Variants in CUL2 observed in about 807,000 individuals in gnomAD.
CUL2 encodes the protein cullin 2, also known as cullin-2.
A neutral mutation model predicts 110.2 loss-of-function variants in CUL2; 22 were observed. That is an observed-to-expected ratio of 0.20 (90% CI 0.14 to 0.28). CUL2 has a LOEUF of 0.28. Among genes scored for constraint, CUL2 ranks in the 10% least tolerant of loss-of-function variants. The pLI, the probability that CUL2 is intolerant of heterozygous loss-of-function variation, is 1.00. For missense variants in CUL2, 631 were observed against 905.5 expected (o/e 0.70, Z 3.89); for synonymous variants, 279 against 293.2 (o/e 0.95, Z 0.49).
intron 4 of CUL2, 95 bp downstream of exon 4, chr10:35,060,779 T>C (rs1268529275): frequency 1.1e-6 from 1 of 950,252 alleles, no homozygotes; most frequent in Non-Finnish European, 1.6e-6. Context: ...GTTTTGCATA[T>C]GTGAATGAGA....
intron 9 of CUL2, among the ~76,000 whole-genome samples, chr10:35,037,084 T>C (rs1374799347): frequency 2.0e-5 from 3 of 152,246 alleles, no homozygotes; most frequent in Admixed American, 6.5e-5. Flanking sequence ...CTATTTAAAA[T>C]ATCTTTCCCT....
At chr10:35,037,057 T>C (rs1035607298) in intron 9 of CUL2, among the ~76,000 whole-genome samples, 1 of 152,216 alleles carries the variant, frequency 6.6e-6, no homozygotes, top group African/African-American at 2.4e-5. Context: ...TCCTTTGTGG[T>C]TAGGGCTTTT....
At chr10:35,116,524 A>G (rs1452169840) in intron 1 of CUL2, among the ~76,000 whole-genome samples, 1 of 152,208 alleles carries the variant, frequency 6.6e-6, no homozygotes, top group Non-Finnish European at 1.5e-5. Flanking sequence ...TAATGTACCC[A>G]GCTGTGGCTT....
intron 17 of CUL2, among the ~76,000 whole-genome samples, chr10:35,020,288 G>C (rs2085151174): frequency 6.6e-6 from 1 of 152,144 alleles, no homozygotes; most frequent in Admixed American, 6.5e-5. Flanking sequence ...AGGTGGAAGG[G>C]AAATGTAACA....
At chr10:35,069,446 TAGG>T (rs1208478631) in intron 2 of CUL2, among the ~76,000 whole-genome samples, 4 of 151,710 alleles carry the variant, frequency 2.6e-5, no homozygotes, top group Admixed American at 2.6e-4. Flanking sequence ...GAGGCTGAGA[TAGG>T]AGGATCTCTT....
intron 14 of CUL2, among the ~76,000 whole-genome samples, chr10:35,029,995 A>G (rs2085440794): frequency 6.6e-6 from 1 of 152,198 alleles, no homozygotes; most frequent in African/African-American, 2.4e-5. Flanking sequence ...TTTTGTTTTA[A>G]AGACTTGGGG....
chr10:35,071,133 A>G lies in CUL2; in HGVS notation c.119+66T>C, dbSNP rs982078773. On this transcript the variant is annotated intron_variant, in intron 2 of 20. Coordinates refer to ENST00000374749, the MANE Select transcript of CUL2 (RefSeq NM_003591.4). ...GGAAAGTTCTTCCATAACATTGAAC[A>G]TGTTCTCAGTTTTCAACAAATTTAT... The G allele has an allele frequency of 3.0e-5, 45 of 1,484,754 alleles. No individual in the cohort carries two copies. In the African/African-American group the frequency reaches 5.7e-4, roughly 19 times the overall value. 92.0% of individuals were successfully genotyped at this position (1,484,754 alleles called of 1,614,324 possible). A position where few individuals can be genotyped will look rare whatever the true frequency, so the allele number is the denominator to read the frequency against.
intron 1 of CUL2, among the ~76,000 whole-genome samples, chr10:35,102,532 A>G (rs2087396046): frequency 6.6e-6 from 1 of 151,936 alleles, no homozygotes; most frequent in African/African-American, 2.4e-5. Context: ...AGACTGTTCC[A>G]CTGCACTCCA....
chr10:35,113,530 A>AAAAC (rs2087550603), intron 1 of CUL2, among the ~76,000 whole-genome samples: 1 of 141,926 alleles, frequency 7.0e-6, no homozygotes, highest in Non-Finnish European at 1.5e-5. Flanking sequence ...AAAAAAAAAA[A>AAAAC]TTCCGCAAGA....
intron 8 of CUL2, among the ~76,000 whole-genome samples, chr10:35,041,332 T>C (rs1176393993): frequency 6.6e-6 from 1 of 152,056 alleles, no homozygotes; most frequent in Non-Finnish European, 1.5e-5. Context: ...AAGAGAAATG[T>C]AGAGAAGGTT....
At chr10:35,027,436 G>A (rs1239916558) in intron 16 of CUL2, among the ~76,000 whole-genome samples, 2 of 152,060 alleles carry the variant, frequency 1.3e-5, no homozygotes, top group East Asian at 3.9e-4. Flanking sequence ...GAGCCACCGC[G>A]CCCGGCAACT....
At chr10:35,025,108 C>A in intron 17 of CUL2, 24 bp downstream of exon 17, 2 of 1,462,110 alleles carry the variant, frequency 1.4e-6, no homozygotes, top group East Asian at 2.6e-5. Context: ...TTCATTAAGC[C>A]AGATATAATT....
intron 2 of CUL2, among the ~76,000 whole-genome samples, chr10:35,096,376 A>G (rs1023159806): frequency 2.6e-5 from 4 of 152,160 alleles, no homozygotes. Flanking sequence ...AGATGGGGAT[A>G]GAAGGGTTAC....
At chr10:35,021,848 A>AGGTGG (rs1375514880) in intron 17 of CUL2, among the ~76,000 whole-genome samples, 2 of 37,074 alleles carry the variant, frequency 5.4e-5, no homozygotes, top group African/African-American at 9.9e-5. Context: ...AGGTGAGGTG[A>AGGTGG]GGTGAGGTGA....
At chr10:35,025,919 T>C (rs1422610556) in intron 16 of CUL2, among the ~76,000 whole-genome samples, 2 of 152,214 alleles carry the variant, frequency 1.3e-5, no homozygotes, top group Non-Finnish European at 2.9e-5. Flanking sequence ...AATAAACTTT[T>C]AGCATGATGT....
rs568993168 is a variant in CUL2 at position 35,115,432 on chromosome 10, C to T, written c.-51+11173G>A. On this transcript the variant is annotated intron_variant, in intron 1 of 5. Coordinates refer to the CUL2 transcript ENST00000685421. Reference sequence around the variant, plus strand: ...AAATTTAGCCAGGCATGCTGGCAGGCGCCTGTAATCCCAGCTACTCGGGAG... The same window carrying T: ...AAATTTAGCCAGGCATGCTGGCAGGTGCCTGTAATCCCAGCTACTCGGGAG... Among the ~76,000 whole-genome samples, 6 of 151,808 alleles carry T rather than the reference C, an allele frequency of 4.0e-5. No homozygotes were observed. In the South Asian group the frequency reaches 8.3e-4, roughly 21 times the overall value.
rs1261301266 is a variant in CUL2 at position 35,031,432 on chromosome 10, T to C, written c.1300-46A>G. The C allele has an allele frequency of 2.5e-6, 4 of 1,598,018 alleles. No individual in the cohort carries two copies. Among genetic ancestry groups the C allele is most frequent in the Non-Finnish European group, 3.4e-6 (4 of 1,170,380 alleles). On this transcript the variant is annotated intron_variant, in intron 13 of 20. Transcript: ENST00000374749. This position sits in a 1 kb window ranked among gnomAD's most constrained non-coding sequence, Gnocchi z 4.4. ...AAAGATTACTTCCTTTCTAATGATT[T>C]AGCATTCAGAAATAAAGTTGACCAA...
rs2085586075 is a variant in CUL2, at chr10:35,035,101, TAA to T, written c.1002+69_1002+70del. On this transcript the variant is annotated intron_variant, in intron 10 of 20. Coordinates refer to ENST00000374749, the MANE Select transcript of CUL2 (RefSeq NM_003591.4). ...CTTTTTCTTTCATCTTTCAAAACAA[TAA>T]AGTCAAAGGAAAGGCTCCACGCTGG... 11 of 1,545,164 alleles carry T rather than the reference TAA, an allele frequency of 7.1e-6. No homozygotes were observed. In the South Asian group the frequency reaches 1.0e-4, roughly 14 times the overall value.
chr10:35,028,903 T>C lies in CUL2; in HGVS notation c.1540-16A>G. On this transcript the variant is annotated splice_polypyrimidine_tract_variant and intron_variant, in intron 15 of 20. Coordinates refer to ENST00000374749, the MANE Select transcript of CUL2 (RefSeq NM_003591.4). ...ACGCACCAGCCTAGAAGGAAAAAAA[T>C]AAAATAAAATAAGCTAAATGGATCA... 3.3e-6 allele frequency: 5 copies of C among 1,501,928 alleles called. No homozygotes were observed. The highest frequency in any genetic ancestry group is 1.4e-5 in the African/African-American group (1 of 71,482). The allele number at this position is 1,501,928 out of a possible 1,614,324, so 93.0% of individuals were successfully genotyped here.
Sources: gnomAD v4.1 joint callset for allele counts (sites outside exome capture counted in the v4.1 genomes callset) on GRCh38, gnomAD v4.1.1 for gene constraint, Gnocchi (gnomAD v3.1) non-coding constraint, MANE v1.5 for transcripts, NCBI Gene and HGNC (gene_info 2026-07-23, HGNC 2026-07-21) for gene names.